REDIC1: variants seen among roughly 807,000 people sequenced by gnomAD.
REDIC1 encodes HEI10 Interacting Protein 1.
the REDIC1 span, among the ~76,000 whole-genome samples, chr12:39,782,752 G>GA: frequency 6.6e-6 from 1 of 152,186 alleles, no homozygotes; most frequent in Non-Finnish European, 1.5e-5. Flanking sequence ...AAGACATGTT[G>GA]AATGGCTTTG....
the REDIC1 span, among the ~76,000 whole-genome samples, chr12:39,628,568 G>A: frequency 6.6e-6 from 1 of 152,184 alleles, no homozygotes; most frequent in South Asian, 2.1e-4. Flanking sequence ...CAAGTGAAGT[G>A]ATTGGAGAAC....
chr12:39,778,035 C>T, the REDIC1 span, among the ~76,000 whole-genome samples: 7 of 152,184 alleles, frequency 4.6e-5, no homozygotes, highest in Non-Finnish European at 8.8e-5. Flanking sequence ...TAAACATTCA[C>T]CCCTAGACAC....
At chr12:39,761,223 C>T in the REDIC1 span, among the ~76,000 whole-genome samples, 1 of 150,096 alleles carries the variant, frequency 6.7e-6, no homozygotes, top group Admixed American at 6.7e-5. Context: ...AACCTCTTCT[C>T]TGGGCCTCTG....
At chr12:39,717,287 G>C in the REDIC1 span, among the ~76,000 whole-genome samples, 1 of 151,750 alleles carries the variant, frequency 6.6e-6, no homozygotes, top group African/African-American at 2.4e-5. Context: ...ATAGCCTACT[G>C]TTGCCAGAAT....
chr12:39,853,340 G>C, the REDIC1 span, among the ~76,000 whole-genome samples: 1 of 151,970 alleles, frequency 6.6e-6, no homozygotes, highest in Non-Finnish European at 1.5e-5. Flanking sequence ...ACTTTGGAAA[G>C]ATAACAGTGG....
At chr12:39,646,601 A>C in the REDIC1 span, 1 of 777,376 alleles carries the variant, frequency 1.3e-6, no homozygotes, top group Admixed American at 3.3e-5. Flanking sequence ...TTATGCAATG[A>C]TTAAGACCTT....
At chr12:39,683,449 A>T in the REDIC1 span, 1 of 1,603,290 alleles carries the variant, frequency 6.2e-7, no homozygotes, top group Non-Finnish European at 8.5e-7. Context: ...AGAAGACACC[A>T]CAGAAAAGTA....
chr12:39,637,544 G>T, the REDIC1 span, among the ~76,000 whole-genome samples: 1 of 152,022 alleles, frequency 6.6e-6, no homozygotes, highest in African/African-American at 2.4e-5. Context: ...AGCTAAGTAG[G>T]TGCATGCTAT....
the REDIC1 span, chr12:39,647,824 C>T: frequency 6.2e-7 from 1 of 1,600,614 alleles, no homozygotes; most frequent in Admixed American, 1.7e-5. Flanking sequence ...GTATGCTTCA[C>T]CCTCAGTTCA....
chr12:39,646,910 T>G, the REDIC1 span: 1 of 1,528,430 alleles, frequency 6.5e-7, no homozygotes, highest in South Asian at 1.2e-5. Flanking sequence ...AAAAAAATTC[T>G]ATAGGTTATT....
At chr12:39,848,175 A>G in the REDIC1 span, among the ~76,000 whole-genome samples, 82,923 of 152,038 alleles carry the variant, frequency 0.55, 22,848 homozygotes, top group East Asian at 0.74. Context: ...AAAATTGACA[A>G]GTGGGATCTA....
At chr12:39,877,414 A>C in the REDIC1 span, among the ~76,000 whole-genome samples, 1 of 152,210 alleles carries the variant, frequency 6.6e-6, no homozygotes, top group South Asian at 2.1e-4. Context: ...CCATGATTCA[A>C]TTACCTCCCA....
the REDIC1 span, chr12:39,760,365 A>T: frequency 1.1e-6 from 1 of 918,866 alleles, no homozygotes; most frequent in Non-Finnish European, 1.6e-6. Context: ...TAATCACAGT[A>T]TGAAATGGAC....
chr12:39,633,779 G>A, the REDIC1 span, among the ~76,000 whole-genome samples: 2 of 152,016 alleles, frequency 1.3e-5, no homozygotes, highest in East Asian at 1.9e-4. Flanking sequence ...TGTCCTTGAC[G>A]GAACCATCGT....
At chr12:39,656,206 C>G in the REDIC1 span, among the ~76,000 whole-genome samples, 3 of 152,146 alleles carry the variant, frequency 2.0e-5, no homozygotes, top group African/African-American at 7.2e-5. Flanking sequence ...ATAGAATGAG[C>G]TGGGAAGTAT....
At chr12:39,795,135 C>T in the REDIC1 span, among the ~76,000 whole-genome samples, 5 of 152,054 alleles carry the variant, frequency 3.3e-5, no homozygotes, top group Admixed American at 6.6e-5. Flanking sequence ...CTAGAACTAT[C>T]ATTTGGAGTA....
At chr12:39,713,161 A>G in the REDIC1 span, among the ~76,000 whole-genome samples, 5 of 150,282 alleles carry the variant, frequency 3.3e-5, no homozygotes, top group African/African-American at 1.2e-4. Flanking sequence ...GCATATACAC[A>G]CGTGTATATA....
At chr12:39,684,834 C>T in the REDIC1 span, 4 of 1,522,034 alleles carry the variant, frequency 2.6e-6, no homozygotes, top group African/African-American at 2.8e-5. Flanking sequence ...GGGAACACAA[C>T]AAACTTTGAT....
At chr12:39,878,949 C>A in the REDIC1 span, among the ~76,000 whole-genome samples, 2 of 152,366 alleles carry the variant, frequency 1.3e-5, no homozygotes, top group Admixed American at 1.3e-4. Context: ...CAGCCCAGAG[C>A]CTACTGCCCT....
Sources: gnomAD v4.1 joint callset for allele counts (sites outside exome capture counted in the v4.1 genomes callset) on GRCh38, gnomAD v4.1.1 for gene constraint, MANE v1.5 for transcripts, NCBI Gene and HGNC (gene_info 2026-07-23, HGNC 2026-07-21) for gene names.